LEMD3: variants seen among roughly 807,000 people sequenced by gnomAD.
LEMD3 encodes LEM domain containing 3.
A neutral mutation model predicts 95.2 loss-of-function variants in LEMD3; 33 were observed. That is an observed-to-expected ratio of 0.35 (90% confidence interval 0.26 to 0.46). The LOEUF is 0.46. Ranked by LOEUF, LEMD3 falls within the 20% of genes least tolerant of loss-of-function variation. The pLI, the probability that LEMD3 is intolerant of heterozygous loss-of-function variation, is 1.00. For synonymous variants in LEMD3, 525 were observed against 474.6 expected (o/e 1.11, Z -1.38); for missense variants, 1,210 against 1,192.8 (o/e 1.01, Z -0.21).
At chr12:65,197,012 T>A (rs939203296) in intron 1 of LEMD3, among the ~76,000 whole-genome samples, 2 of 152,162 alleles carry the variant, frequency 1.3e-5, no homozygotes, top group Non-Finnish European at 2.9e-5. Context: ...GGCAGTGTAC[T>A]TTTATAGCCT....
In LEMD3 at chr12:65,170,180, C is replaced by G. The variant is rs867511486; in HGVS notation, c.584C>G (p.Ser195Trp). ...TCTGCAGAGCGAAGGAAGCCCCACT[C>G]GTGGTGGGGGGCCAGGAGGCCGGCG... ...SNSAERRKPH[S>W]WWGARRPAGP... The change falls in exon 1 of 13, where the codon TCG becomes TGG. Residue 195 changes from serine (S) to tryptophan (W), a missense_variant. Physicochemically the swap from Ser to Trp is radical, Grantham distance 177 (BLOSUM62 -3). Around this residue, in one of 2 missense-constraint regions of LEMD3, gnomAD observed 749 missense variants for 622.9 expected, o/e 1.20. Transcript: ENST00000308330. 5.3e-6 allele frequency: 8 copies of G among 1,497,932 alleles called. No homozygotes were observed. Among genetic ancestry groups the G allele is most frequent in the Non-Finnish European group, 5.3e-6 (6 of 1,126,608 alleles). 92.8% of individuals were successfully genotyped at this position (1,497,932 alleles called of 1,614,324 possible).
intron 4 of LEMD3, among the ~76,000 whole-genome samples, chr12:65,219,407 T>C (rs757132249): frequency 2.7e-4 from 41 of 152,154 alleles, no homozygotes; most frequent in Non-Finnish European, 4.6e-4. Flanking sequence ...TTGAAAACCA[T>C]ACAGGAAAGC....
chr12:65,233,777 T>G (rs1161108889), intron 4 of LEMD3, among the ~76,000 whole-genome samples: 1 of 152,216 alleles, frequency 6.6e-6, no homozygotes, highest in Non-Finnish European at 1.5e-5. Context: ...GAAACAGTAT[T>G]ATTTTTGTAC....
At chr12:65,194,222 A>G (rs1869337853) in intron 1 of LEMD3, among the ~76,000 whole-genome samples, 1 of 152,168 alleles carries the variant, frequency 6.6e-6, no homozygotes, top group Non-Finnish European at 1.5e-5. Flanking sequence ...ACAAAAAGTT[A>G]GCCCACTGTA....
At chr12:65,237,829 A>C (rs1219191190) in intron 4 of LEMD3, among the ~76,000 whole-genome samples, 1 of 152,218 alleles carries the variant, frequency 6.6e-6, no homozygotes, top group African/African-American at 2.4e-5. Flanking sequence ...TGATAGGCTT[A>C]CTGCTTTTAT....
At chr12:65,235,988 A>C (rs1384315501) in intron 4 of LEMD3, among the ~76,000 whole-genome samples, 1 of 152,202 alleles carries the variant, frequency 6.6e-6, no homozygotes, top group Non-Finnish European at 1.5e-5. Flanking sequence ...TAAAAATCCT[A>C]ATAGTAGTTT....
At chr12:65,188,320 A>G (rs1869129571) in intron 1 of LEMD3, among the ~76,000 whole-genome samples, 1 of 152,166 alleles carries the variant, frequency 6.6e-6, no homozygotes, top group African/African-American at 2.4e-5. Flanking sequence ...GAGATAGCCT[A>G]GTAAACTTTA....
chr12:65,234,035 A>C (rs192619222), intron 4 of LEMD3, among the ~76,000 whole-genome samples: 1 of 152,310 alleles, frequency 6.6e-6, no homozygotes, highest in Admixed American at 6.5e-5. Flanking sequence ...ATAGTAATAA[A>C]AGTTGTGCCT....
chr12:65,189,682 A>G (rs1869177723), intron 1 of LEMD3, among the ~76,000 whole-genome samples: 1 of 152,222 alleles, frequency 6.6e-6, no homozygotes, highest in South Asian at 2.1e-4. Context: ...AAAGATAATC[A>G]CAATAAGACT....
In LEMD3 at chr12:65,240,026, T is replaced by G; in HGVS notation, c.2019T>G (p.Ile673Met). 6.3e-7 allele frequency: 1 copy of G among 1,593,574 alleles called. No homozygotes were observed. The highest frequency in any genetic ancestry group is 8.6e-7 in the Non-Finnish European group (1 of 1,161,366). The change falls in exon 7 of 13, where the codon ATT becomes ATG. Residue 673 changes from isoleucine (I) to methionine (M), a missense_variant. This residue lies in a region of LEMD3 where 461 missense variants were observed against 569.8 expected (regional missense o/e 0.81). Transcript: ENST00000308330. ...TRQMYDMVVK[I>M]IDVLRSHNEA... The stretch of plus-strand genomic sequence containing the variant: ...AGATGTATGATATGGTGGTAAAGAT[T>G]ATAGGTATGATATTTGTAAGAATCT...
At chr12:65,218,714 G>T (rs1281694307) in intron 4 of LEMD3, 95 bp downstream of exon 4, 3 of 709,026 alleles carry the variant, frequency 4.2e-6, no homozygotes, top group East Asian at 3.5e-5. Context: ...TATTTTAATT[G>T]TACTGTTAAA....
At chr12:65,227,875 CTG>C (rs950981392) in intron 4 of LEMD3, among the ~76,000 whole-genome samples, 80 of 151,398 alleles carry the variant, frequency 5.3e-4, no homozygotes, top group Non-Finnish European at 2.8e-4. Flanking sequence ...AAAAAAAAGA[CTG>C]TACAAATTTA....
At position 65,170,447 on chromosome 12, in the gene LEMD3, A is replaced by G; in HGVS notation, c.851A>G (p.His284Arg). The change falls in exon 1 of 13, where the codon CAT (histidine) becomes CGT (arginine). Residue 284 changes from histidine (H) to arginine (R), a missense_variant. His to Arg is a conservative substitution (Grantham distance 29). Transcript: ENST00000308330. ...QVLKDDSLSR[H>R]RPRRTHSKPL... Reference sequence around the variant, plus strand: ...TTAAAGGACGACTCCCTTTCCCGGCATCGGCCCAGACGAACCCATAGTAAG... The same window carrying G: ...TTAAAGGACGACTCCCTTTCCCGGCGTCGGCCCAGACGAACCCATAGTAAG... 1.2e-6 allele frequency: 2 copies of G among 1,613,844 alleles called. No homozygotes were observed. The highest frequency in any genetic ancestry group is 1.7e-6 in the Non-Finnish European group (2 of 1,179,984).
At chr12:65,228,188 A>T (rs1447476063) in intron 4 of LEMD3, among the ~76,000 whole-genome samples, 1 of 152,098 alleles carries the variant, frequency 6.6e-6, no homozygotes, top group Admixed American at 6.5e-5. Flanking sequence ...AAAAGAAGGG[A>T]CACAGATGCG....
chr12:65,169,736 G>T lies in LEMD3; in HGVS notation c.140G>T (p.Arg47Leu). 1 of 1,592,104 alleles carries T rather than the reference G, an allele frequency of 6.3e-7. No individual in the cohort carries two copies. The highest frequency in any genetic ancestry group is 8.6e-7 in the Non-Finnish European group (1 of 1,169,474). Residue 47 changes from arginine (R) to leucine (L), a missense_variant, in exon 1 of 13, where the codon CGA (arginine) becomes CTA (leucine). Physicochemically the swap from Arg to Leu is moderately radical, Grantham distance 102. Around this residue, in one of 2 missense-constraint regions of LEMD3, gnomAD observed 749 missense variants for 622.9 expected, o/e 1.20. Transcript: ENST00000308330. ...TACCTCAAGAAGCTGAAGAAGCTTC[G>T]AGAGGAAGAGCAGCAACAGCACCGG... is the stretch of plus-strand genomic sequence containing the variant. ...PVYLKKLKKL[R>L]EEEQQQHRSG...
At chr12:65,243,558 AT>A in intron 10 of LEMD3, 89 bp downstream of exon 10, 1 of 811,760 alleles carries the variant, frequency 1.2e-6, no homozygotes, top group Non-Finnish European at 2.2e-6. Context: ...TGTGTCTGTA[AT>A]TGAAAATGTT....
At chr12:65,190,897 T>G (rs1222752995) in intron 1 of LEMD3, among the ~76,000 whole-genome samples, 1 of 152,186 alleles carries the variant, frequency 6.6e-6, no homozygotes, top group Non-Finnish European at 1.5e-5. Flanking sequence ...CACAAAGGTA[T>G]AGTTTACCAA....
intron 4 of LEMD3, among the ~76,000 whole-genome samples, chr12:65,224,972 G>T (rs568550154): frequency 6.6e-6 from 1 of 152,092 alleles, no homozygotes; most frequent in Admixed American, 6.5e-5. Context: ...AATTCCAAAT[G>T]ACCTTCTTTT....
chr12:65,234,626 G>T lies in LEMD3; in HGVS notation c.1696-3876G>T, dbSNP rs10506529. On this transcript the variant is annotated intron_variant, in intron 4 of 12. Coordinates refer to ENST00000308330, the MANE Select transcript of LEMD3 (RefSeq NM_014319.5). ...AAAATGAACATTCCATGGTTTTCTT[G>T]TATTCCAGATAATGAGTGGATGTCA... Among the ~76,000 whole-genome samples, 2,323 of 152,042 alleles carry T rather than the reference G, an allele frequency of 0.015. 87 individuals carry two copies. The East Asian group carries it at 0.17, about 11-fold the overall frequency.
Sources: gnomAD v4.1 joint callset for allele counts (sites outside exome capture counted in the v4.1 genomes callset) on GRCh38, gnomAD v4.1.1 for gene constraint, gnomAD v4.1.1 regional missense constraint, MANE v1.5 for transcripts, NCBI Gene and HGNC (gene_info 2026-07-23, HGNC 2026-07-21) for gene names.